The following ANXA8 variants were observed in gnomAD, a reference collection of about 807,000 sequenced individuals.
ANXA8 encodes VAC-beta.
A neutral mutation model predicts 26.8 loss-of-function variants in ANXA8; 9 were observed. That is an observed-to-expected ratio of 0.34 (90% CI 0.20 to 0.59). ANXA8 has a LOEUF of 0.59. Among genes scored for constraint, ANXA8 ranks in the 20% least tolerant of loss-of-function variants. The probability of loss-of-function intolerance (pLI) is 0.84; values close to 1 mark genes in which losing one functional copy is unlikely to be tolerated. For synonymous variants in ANXA8, 39 were observed against 94.8 expected (o/e 0.41, Z 3.42); for missense variants, 83 against 238.5 (o/e 0.35, Z 4.29).
the ANXA8 span, among the ~76,000 whole-genome samples, chr10:47,495,090 A>G: frequency 6.6e-6 from 1 of 150,434 alleles, no homozygotes; most frequent in African/African-American, 2.5e-5. Flanking sequence ...ACCTCCTATG[A>G]CGTCCTCCAC....
chr10:47,695,932 G>A, the ANXA8 span, among the ~76,000 whole-genome samples: 17 of 151,780 alleles, frequency 1.1e-4, no homozygotes, highest in South Asian at 8.3e-4. Flanking sequence ...GATAATTATC[G>A]TGCTATTTAG....
At chr10:47,772,091 ATTCTT>A in the ANXA8 span, among the ~76,000 whole-genome samples, 1 of 151,626 alleles carries the variant, frequency 6.6e-6, no homozygotes, top group Non-Finnish European at 1.5e-5. Context: ...CCATGAAGCC[ATTCTT>A]TACTATCAAA....
At chr10:47,684,960 CCTT>C in the ANXA8 span, among the ~76,000 whole-genome samples, 2 of 150,310 alleles carry the variant, frequency 1.3e-5, no homozygotes, top group Non-Finnish European at 2.9e-5. Flanking sequence ...AGACAATTCT[CCTT>C]CTTCCGTTGT....
At chr10:47,688,228 G>A in the ANXA8 span, among the ~76,000 whole-genome samples, 4 of 147,366 alleles carry the variant, frequency 2.7e-5, no homozygotes, top group Admixed American at 2.0e-4. Flanking sequence ...CTAGTAGCTG[G>A]GACTATAGGT....
chr10:47,973,277 C>T, the ANXA8 span: 1 of 147,788 alleles, frequency 6.8e-6, no homozygotes, highest in Non-Finnish European at 1.5e-5. Context: ...AGTCTTTAAT[C>T]ATGTTGTGGA....
chr10:47,521,434 C>G, the ANXA8 span, among the ~76,000 whole-genome samples: 1 of 139,786 alleles, frequency 7.2e-6, no homozygotes, highest in Non-Finnish European at 1.5e-5. Flanking sequence ...TTCCAAGTTA[C>G]AAAGTCACAC....
At chr10:47,548,798 C>G in the ANXA8 span, among the ~76,000 whole-genome samples, 1 of 151,796 alleles carries the variant, frequency 6.6e-6, no homozygotes, top group Non-Finnish European at 1.5e-5. Context: ...GGTTCTAGAA[C>G]CATCAGGAAC....
chr10:47,657,060 G>A, the ANXA8 span, among the ~76,000 whole-genome samples: 1 of 147,226 alleles, frequency 6.8e-6, no homozygotes, highest in East Asian at 2.1e-4. Context: ...TTTTCTATTT[G>A]AGAGCCTTAT....
chr10:47,690,904 A>T, the ANXA8 span: 1 of 1,611,484 alleles, frequency 6.2e-7, no homozygotes, highest in Non-Finnish European at 8.5e-7. Context: ...TCAAGTAGCT[A>T]AGAAAATGAA....
At chr10:47,741,921 A>G in the ANXA8 span, among the ~76,000 whole-genome samples, 1 of 108,378 alleles carries the variant, frequency 9.2e-6, no homozygotes, top group African/African-American at 3.2e-5. Context: ...GCTCACCGCA[A>G]CCTCCACCTC....
chr10:47,621,534 C>T, the ANXA8 span, among the ~76,000 whole-genome samples: 2 of 112,058 alleles, frequency 1.8e-5, 1 homozygote, highest in Non-Finnish European at 3.9e-5. Flanking sequence ...GCTAATTTCT[C>T]TCCTGCTTCT....
chr10:47,772,419 T>C, the ANXA8 span, among the ~76,000 whole-genome samples: 19 of 152,304 alleles, frequency 1.2e-4, no homozygotes, highest in African/African-American at 3.6e-4. Flanking sequence ...TCCAGCACAC[T>C]GACCCTCCAT....
At chr10:47,546,464 T>C in the ANXA8 span, among the ~76,000 whole-genome samples, 6 of 126,818 alleles carry the variant, frequency 4.7e-5, no homozygotes, top group African/African-American at 9.0e-5. Context: ...GTGCAGTGGC[T>C]TGATCTCGGC....
At chr10:47,968,705 T>C in the ANXA8 span, among the ~76,000 whole-genome samples, 1 of 151,016 alleles carries the variant, frequency 6.6e-6, no homozygotes, top group Non-Finnish European at 1.5e-5. Context: ...GTATGGTATT[T>C]CTGAATGACA....
At chr10:47,525,854 G>C in the ANXA8 span, among the ~76,000 whole-genome samples, 24 of 122,890 alleles carry the variant, frequency 2.0e-4, 3 homozygotes, top group African/African-American at 7.2e-4. Flanking sequence ...GCCCAGGCTG[G>C]ACTGCAATGG....
At chr10:47,554,325 AAAAT>A in the ANXA8 span, among the ~76,000 whole-genome samples, 2 of 145,416 alleles carry the variant, frequency 1.4e-5, no homozygotes, top group Admixed American at 6.8e-5. Flanking sequence ...GTCTCAAAGA[AAAAT>A]AAATAAATAA....
At chr10:47,691,162 T>A in the ANXA8 span, 1,230 of 1,595,412 alleles carry the variant, frequency 7.7e-4, 11 homozygotes, top group African/African-American at 0.014. Flanking sequence ...AGAAGAAGGT[T>A]TTTCTGTGGA....
chr10:47,683,474 C>G, the ANXA8 span, among the ~76,000 whole-genome samples: 1 of 151,864 alleles, frequency 6.6e-6, no homozygotes, highest in Non-Finnish European at 1.5e-5. Context: ...GTGATCTGCC[C>G]GCCTCAGCCT....
the ANXA8 span, among the ~76,000 whole-genome samples, chr10:47,764,253 G>A: frequency 6.6e-6 from 1 of 150,874 alleles, no homozygotes; most frequent in African/African-American, 2.4e-5. Flanking sequence ...TCAGGAAATG[G>A]GGCCTGGGTC....
Sources: allele counts gnomAD v4.1 joint callset (sites outside exome capture counted in the v4.1 genomes callset), GRCh38; gene constraint gnomAD v4.1.1; transcripts MANE v1.5; gene names NCBI Gene and HGNC (gene_info 2026-07-23, HGNC 2026-07-21).